Variants in RNF169 observed in about 807,000 individuals in gnomAD.
RNF169 encodes ring finger protein 169, also known as E3 ubiquitin-protein ligase RNF169.
RNF169 carries 24 observed loss-of-function variants against 53.9 expected under a neutral mutation model. That is an observed-to-expected ratio of 0.45 (90% CI 0.32 to 0.63). The LOEUF (loss-of-function observed/expected upper bound fraction) is 0.63, where lower values mean the gene tolerates loss of function less well. Among genes scored for constraint, RNF169 ranks in the 20% least tolerant of loss-of-function variants. RNF169 has a pLI of 0.04. For synonymous variants in RNF169, 396 were observed against 363.5 expected, an observed-to-expected ratio of 1.09 and a Z score of -1.02; for missense variants, 883 against 906.2, an observed-to-expected ratio of 0.97 and a Z score of 0.33.
At chr11:74,759,566 ATCATGTGGTTTTTG>A (rs1243429077) in intron 1 of RNF169, among the ~76,000 whole-genome samples, 1 of 143,988 alleles carries the variant, frequency 6.9e-6, no homozygotes, top group Non-Finnish European at 1.5e-5. Context: ...TATTGAGATA[ATCATGTGGTTTTTG>A]TCTTTGGCTC....
Position 74,782,271 on chromosome 11 carries a change from TG to T in RNF169, c.503-7353del, listed in dbSNP as rs1161135077. Among the ~76,000 whole-genome samples, 4 of 151,988 alleles carry T rather than the reference TG, an allele frequency of 2.6e-5. No individual in the cohort carries two copies. In the East Asian group the frequency reaches 7.7e-4, roughly 29 times the overall value. ...AATGTAAAATAGGCAGGGCATGAAG[TG>T]GTATGAAGATGAAGAGGTAGGCAGA... is the stretch of plus-strand genomic sequence containing the variant. On this transcript the variant is annotated intron_variant, in intron 1 of 5. Coordinates refer to ENST00000299563, the MANE Select transcript of RNF169 (RefSeq NM_001098638.2).
chr11:74,751,683 T>C (rs979198979), intron 1 of RNF169, among the ~76,000 whole-genome samples: 2 of 152,222 alleles, frequency 1.3e-5, no homozygotes, highest in African/African-American at 4.8e-5. Flanking sequence ...CTTTATATGT[T>C]TATATGAGGA....
intron 1 of RNF169, among the ~76,000 whole-genome samples, chr11:74,775,280 T>A (rs975361909): frequency 6.6e-6 from 1 of 152,206 alleles, no homozygotes; most frequent in Non-Finnish European, 1.5e-5. Flanking sequence ...ATCTTATACA[T>A]TAATAGGGAT....
intron 2 of RNF169, among the ~76,000 whole-genome samples, chr11:74,797,801 G>A (rs934027229): frequency 4.5e-4 from 69 of 152,168 alleles, no homozygotes; most frequent in African/African-American, 1.6e-3. Flanking sequence ...GCAATATAGT[G>A]TGTTGTGGGA....
At chr11:74,752,297 T>A (rs1478059168) in intron 1 of RNF169, among the ~76,000 whole-genome samples, 2 of 137,990 alleles carry the variant, frequency 1.4e-5, no homozygotes, top group Non-Finnish European at 3.1e-5. Context: ...TATTTCTCAC[T>A]CCCGTCAAAG....
At position 74,839,122 on chromosome 11, in the gene RNF169, A is replaced by C. The variant is rs186611695; in HGVS notation, c.*2392A>C. On this transcript the variant is annotated 3_prime_UTR_variant, in exon 6 of 6. Transcript: ENST00000299563. ...CAGAATGAAGAACAAATTCTTGTTA[A>C]GCAAATAGTCCAAACTCTAGGTCCA... 14 of 152,324 alleles carry C rather than the reference A, an allele frequency of 9.2e-5. No homozygotes were observed. In the East Asian group the frequency reaches 2.5e-3, roughly 27 times the overall value. 9.4% of individuals were successfully genotyped at this position (152,324 alleles called of 1,614,324 possible).
chr11:74,794,102 T>C (rs749461596), intron 2 of RNF169, among the ~76,000 whole-genome samples: 5 of 152,224 alleles, frequency 3.3e-5, no homozygotes, highest in Non-Finnish European at 7.3e-5. Flanking sequence ...CATAGTGTTT[T>C]AGCTAGGAAC....
At chr11:74,827,313 C>T (rs2036113450) in intron 4 of RNF169, among the ~76,000 whole-genome samples, 1 of 152,218 alleles carries the variant, frequency 6.6e-6, no homozygotes, top group African/African-American at 2.4e-5. Flanking sequence ...CAAGAGACTT[C>T]ACAAAGCAGC....
At chr11:74,774,569 G>A (rs1290332514) in intron 1 of RNF169, among the ~76,000 whole-genome samples, 3 of 152,240 alleles carry the variant, frequency 2.0e-5, no homozygotes, top group East Asian at 1.9e-4. Context: ...TACCTTGGAC[G>A]TCTTTCTTGG....
intron 1 of RNF169, among the ~76,000 whole-genome samples, chr11:74,760,362 G>A (rs1032249799): frequency 2.7e-4 from 41 of 151,824 alleles, no homozygotes; most frequent in African/African-American, 8.2e-4. Flanking sequence ...GCTTTTGAAT[G>A]TGTTTGCTCT....
At chr11:74,793,354 C>T (rs1455870222) in intron 2 of RNF169, among the ~76,000 whole-genome samples, 1 of 152,176 alleles carries the variant, frequency 6.6e-6, no homozygotes, top group Admixed American at 6.5e-5. Context: ...ATTAATTCTA[C>T]ACAACTCATT....
At chr11:74,772,128 T>C (rs1297939894) in intron 1 of RNF169, among the ~76,000 whole-genome samples, 1 of 149,212 alleles carries the variant, frequency 6.7e-6, no homozygotes, top group South Asian at 2.1e-4. Flanking sequence ...GTAATTTGAA[T>C]TAGTTCTATG....
intron 3 of RNF169, among the ~76,000 whole-genome samples, chr11:74,814,486 A>G (rs1794269004): frequency 6.8e-6 from 1 of 146,038 alleles, no homozygotes; most frequent in Non-Finnish European, 1.5e-5. Context: ...GGCTCAAGCG[A>G]TCCTTTTACT....
chr11:74,793,782 T>C (rs371198811), intron 2 of RNF169, among the ~76,000 whole-genome samples: 5 of 152,184 alleles, frequency 3.3e-5, no homozygotes, highest in African/African-American at 1.2e-4. Context: ...TGTGTTGTAG[T>C]TAGTTGTCTT....
chr11:74,838,177 G>T lies in RNF169; in HGVS notation c.*1447G>T, dbSNP rs535126551. 1 of 152,284 alleles carries T rather than the reference G, an allele frequency of 6.6e-6. No homozygotes were observed. Among genetic ancestry groups the T allele is most frequent in the South Asian group, 2.1e-4 (1 of 4,832 alleles). 9.4% of individuals were successfully genotyped at this position (152,284 alleles called of 1,614,324 possible). On this transcript the variant is annotated 3_prime_UTR_variant, in exon 6 of 6. Transcript: ENST00000299563. ...GCTAGAACTGGAAGGGACCTTAATG[G>T]TTATCTATTCCAGCCTCCTCCTAAG...
At chr11:74,761,852 C>A (rs575185605) in intron 1 of RNF169, among the ~76,000 whole-genome samples, 2 of 145,604 alleles carry the variant, frequency 1.4e-5, no homozygotes, top group East Asian at 2.1e-4. Context: ...CGTTGGCCTG[C>A]CTTGCTAGAT....
Position 74,835,635 on chromosome 11 carries a change from C to T in RNF169, c.1032C>T (p.Thr344=). 3 of 1,614,174 alleles carry T rather than the reference C, an allele frequency of 1.9e-6. No individual in the cohort carries two copies. The highest frequency in any genetic ancestry group is 1.1e-5 in the South Asian group (1 of 91,076). The part of the protein sequence containing the change: ...NNRCVSAPDL[T]IEKRLPFSSL... ...GCTGCGTCTCGGCCCCTGACTTAAC[C>T]ATCGAAAAGCGTCTACCCTTCAGCT... Residue 344 remains threonine (T), a synonymous_variant, in exon 6 of 6, where the codon ACC becomes ACT. Transcript: ENST00000299563.
At chr11:74,794,301 C>T (rs1447845222) in intron 2 of RNF169, among the ~76,000 whole-genome samples, 1 of 152,098 alleles carries the variant, frequency 6.6e-6, no homozygotes, top group African/African-American at 2.4e-5. Context: ...TGGAGAGATG[C>T]AGTAGATGCA....
At chr11:74,755,820 A>AGT (rs993804318) in intron 1 of RNF169, among the ~76,000 whole-genome samples, 2 of 152,184 alleles carry the variant, frequency 1.3e-5, no homozygotes, top group Non-Finnish European at 2.9e-5. Context: ...ATATAGGTGG[A>AGT]GTGTGGACTG....
Sources: gnomAD v4.1 joint callset for allele counts (sites outside exome capture counted in the v4.1 genomes callset) on GRCh38, gnomAD v4.1.1 for gene constraint, MANE v1.5 for transcripts, NCBI Gene and HGNC (gene_info 2026-07-23, HGNC 2026-07-21) for gene names.